Variants in JARID2 observed in about 807,000 individuals in gnomAD.
JARID2 encodes the protein jumonji and AT-rich interaction domain containing 2, also known as protein Jumonji.
Under a neutral mutation model 125.6 loss-of-function variants are expected in JARID2, and 21 were observed. That is an observed-to-expected ratio of 0.17 (90% CI 0.12 to 0.24). The LOEUF is 0.24. Ranked by LOEUF, JARID2 falls within the 10% of genes least tolerant of loss-of-function variation. JARID2 has a pLI of 1.00. For synonymous variants in JARID2, 736 were observed against 661.6 expected, an observed-to-expected ratio of 1.11 and a Z score of -1.73; for missense variants, 1,303 against 1,639.6, an observed-to-expected ratio of 0.79 and a Z score of 3.55.
chr6:15,323,607 A>T (rs1762428750), intron 1 of JARID2, among the ~76,000 whole-genome samples: 1 of 152,224 alleles, frequency 6.6e-6, no homozygotes, highest in Admixed American at 6.5e-5. Flanking sequence ...GCAACCTGTA[A>T]CATTTCTTAA....
chr6:15,488,756 G>A (rs1211286544), intron 6 of JARID2, among the ~76,000 whole-genome samples: 2 of 152,110 alleles, frequency 1.3e-5, no homozygotes, highest in African/African-American at 4.8e-5. Flanking sequence ...GCAGTTGGGG[G>A]GGTGGGCATG....
rs550183127 is a variant in JARID2 at position 15,426,219 on chromosome 6, G to A, written c.323+15854G>A. On this transcript the variant is annotated intron_variant, in intron 3 of 17. Transcript: ENST00000341776. ...CTCTTAATAATCCTCGAGTGGGGCC[G>A]AGGTTTGACAAGTGAAGGGTTCTTT... Among the ~76,000 whole-genome samples, 11 of 152,264 alleles carry A rather than the reference G, an allele frequency of 7.2e-5. No individual in the cohort carries two copies. In the South Asian group the frequency reaches 2.3e-3, roughly 32 times the overall value.
chr6:15,258,651 A>G (rs1187647061), intron 1 of JARID2, among the ~76,000 whole-genome samples: 2 of 152,110 alleles, frequency 1.3e-5, no homozygotes, highest in Non-Finnish European at 2.9e-5. Context: ...GTGTGGTGGC[A>G]AGCGCCTGTA....
chr6:15,512,256 G>T lies in JARID2; in HGVS notation c.3001G>T (p.Val1001Leu). Residue 1001 changes from valine (V) to leucine (L), a missense_variant, in exon 14 of 18, where the codon GTG (valine) becomes TTG (leucine). Val to Leu is a conservative substitution (Grantham distance 32, BLOSUM62 1). This residue lies in a region of JARID2 where 190 missense variants were observed against 341.4 expected (regional missense o/e 0.56). Transcript: ENST00000341776. Reference sequence around the variant, plus strand: ...AGAGGGGATCAAGGTGCACAGGACCGTGCAGCAGAGTGGCCAGTTTGTCGT... The same window carrying T: ...AGAGGGGATCAAGGTGCACAGGACCTTGCAGCAGAGTGGCCAGTTTGTCGT... The part of the protein sequence containing the change: ...CKEGIKVHRT[V>L]QQSGQFVVCF... 6.2e-7 allele frequency: 1 copy of T among 1,614,166 alleles called. No homozygotes were observed. The highest frequency in any genetic ancestry group is 1.3e-5 in the African/African-American group (1 of 75,048).
chr6:15,286,842 A>G (rs1407255491), intron 1 of JARID2, among the ~76,000 whole-genome samples: 1 of 150,536 alleles, frequency 6.6e-6, no homozygotes, highest in Non-Finnish European at 1.5e-5. Flanking sequence ...AGCCTGGGCG[A>G]CAGAGCGAGA....
chr6:15,289,285 A>G (rs548967883), intron 1 of JARID2, among the ~76,000 whole-genome samples: 72 of 152,276 alleles, frequency 4.7e-4, no homozygotes, highest in Non-Finnish European at 8.7e-4. Flanking sequence ...AGAATGGTGC[A>G]TGCAGAACAC....
At chr6:15,352,538 A>G (rs1489377484) in intron 1 of JARID2, among the ~76,000 whole-genome samples, 6 of 152,208 alleles carry the variant, frequency 3.9e-5, no homozygotes, top group African/African-American at 1.4e-4. Context: ...AGGGATACAA[A>G]TGAAGCTCTG....
chr6:15,272,763 C>G (rs1394687023), intron 1 of JARID2, among the ~76,000 whole-genome samples: 1 of 152,162 alleles, frequency 6.6e-6, no homozygotes, highest in East Asian at 1.9e-4. Context: ...ATCTCTGTGC[C>G]TCAGTTTTCT....
chr6:15,275,936 A>G (rs1006175747), intron 1 of JARID2, among the ~76,000 whole-genome samples: 4 of 152,200 alleles, frequency 2.6e-5, no homozygotes, highest in Non-Finnish European at 5.9e-5. Flanking sequence ...GAAGGGGGAA[A>G]AAAGTTAACA....
In JARID2 at chr6:15,520,863, G is replaced by A. The variant is rs556024597; in HGVS notation, c.*612G>A. 33 of 455,716 alleles carry A rather than the reference G, an allele frequency of 7.2e-5. No homozygotes were observed. The highest frequency in any genetic ancestry group is 1.4e-4 in the Non-Finnish European group (31 of 226,658). 28.2% of individuals were successfully genotyped at this position (455,716 alleles called of 1,614,324 possible). A position where few individuals can be genotyped will look rare whatever the true frequency, so the allele number is the denominator to read the frequency against. On this transcript the variant is annotated 3_prime_UTR_variant, in exon 18 of 18. Transcript: ENST00000341776. Reference sequence around the variant, plus strand: ...CTAACCATAGGTGGAACGAGGAGACGGGAGCGAGTGGGCTCTCCACCAGCA... The same window carrying A: ...CTAACCATAGGTGGAACGAGGAGACAGGAGCGAGTGGGCTCTCCACCAGCA...
chr6:15,318,105 G>A (rs1178659383), intron 1 of JARID2, among the ~76,000 whole-genome samples: 1 of 152,212 alleles, frequency 6.6e-6, no homozygotes, highest in Non-Finnish European at 1.5e-5. Flanking sequence ...AGCTACTGGG[G>A]AGGCTGAGGC....
At chr6:15,505,918 C>G (rs1192025951) in intron 9 of JARID2, among the ~76,000 whole-genome samples, 2 of 152,252 alleles carry the variant, frequency 1.3e-5, no homozygotes, top group South Asian at 2.1e-4. Context: ...AGCGTTGGAC[C>G]TGGGAAGAGG....
At chr6:15,301,140 G>A (rs1761607665) in intron 1 of JARID2, among the ~76,000 whole-genome samples, 1 of 152,146 alleles carries the variant, frequency 6.6e-6, no homozygotes, top group Admixed American at 6.5e-5. Context: ...TCAAATCCCA[G>A]GTCTTTAAAA....
chr6:15,404,972 G>A (rs528040466), intron 2 of JARID2, among the ~76,000 whole-genome samples: 1 of 152,236 alleles, frequency 6.6e-6, no homozygotes, highest in African/African-American at 2.4e-5. Flanking sequence ...CAGACTACAT[G>A]CTCTAGTCCC....
chr6:15,448,379 G>T (rs1489021003), intron 3 of JARID2, among the ~76,000 whole-genome samples: 1 of 152,100 alleles, frequency 6.6e-6, no homozygotes, highest in Non-Finnish European at 1.5e-5. Context: ...CGTTGTCTGT[G>T]CTTCGTCTGT....
intron 5 of JARID2, among the ~76,000 whole-genome samples, chr6:15,470,229 G>A (rs1393498408): frequency 1.3e-5 from 2 of 151,798 alleles, no homozygotes; most frequent in Non-Finnish European, 2.9e-5. Flanking sequence ...GAGAATGGGA[G>A]TCAGGAGATA....
chr6:15,302,813 C>T (rs1761680144), intron 1 of JARID2, among the ~76,000 whole-genome samples: 2 of 152,116 alleles, frequency 1.3e-5, no homozygotes, highest in South Asian at 4.1e-4. Flanking sequence ...TGGCTCACTG[C>T]AACCTCCGCC....
intron 3 of JARID2, among the ~76,000 whole-genome samples, chr6:15,438,850 G>A (rs1342088950): frequency 2.0e-5 from 3 of 152,108 alleles, no homozygotes; most frequent in East Asian, 3.9e-4. Context: ...TGGGTAACAT[G>A]GTGAAACCCT....
rs1770698044 is a variant in JARID2, at chr6:15,500,811, C to T, written c.1946-96C>T. 6 of 1,073,502 alleles carry T rather than the reference C, an allele frequency of 5.6e-6. No homozygotes were observed. In the South Asian group the frequency reaches 6.0e-5, roughly 11 times the overall value. 66.5% of individuals were successfully genotyped at this position (1,073,502 alleles called of 1,614,324 possible). The stretch of plus-strand genomic sequence containing the variant: ...CCCAGAGCCTGTCAGAGTCCTGGCT[C>T]ATAGTAGGAGTTCAAGAAGTACAGG... On this transcript the variant is annotated intron_variant, in intron 7 of 17. Transcript: ENST00000341776.
Sources: allele counts gnomAD v4.1 joint callset (sites outside exome capture counted in the v4.1 genomes callset), GRCh38; gene constraint gnomAD v4.1.1; regional missense constraint gnomAD v4.1.1; transcripts MANE v1.5; gene names NCBI Gene and HGNC (gene_info 2026-07-23, HGNC 2026-07-21).